TDRP: variants seen among roughly 807,000 people sequenced by gnomAD.
TDRP encodes testis development-related protein.
TDRP carries 12 observed loss-of-function variants against 10.5 expected under a neutral mutation model. The observed-to-expected ratio is 1.15, with a 90% CI of 0.73 to 1.86. The LOEUF is 1.86. Ranked by LOEUF, TDRP falls within the 40% of genes most tolerant of loss-of-function variation. TDRP has a pLI of 0.00. For synonymous variants in TDRP, 139 were observed against 95.4 expected (o/e 1.46, Z -2.67); for missense variants, 353 against 229.2 (o/e 1.54, Z -3.49).
rs192168705 is a variant in TDRP, at chr8:527,802, C to T, written c.108+16848G>A. Among the ~76,000 whole-genome samples, 146 of 152,172 alleles carry T rather than the reference C, an allele frequency of 9.6e-4. 1 individual carries two copies. Among genetic ancestry groups the T allele is most frequent in the Non-Finnish European group, 9.6e-4 (65 of 67,994 alleles). On this transcript the variant is annotated intron_variant, in intron 1 of 2. Coordinates refer to ENST00000324079, the MANE Select transcript of TDRP (RefSeq NM_001384899.1). ...GACTTAAATCTAAGACCTCACACTA[C>T]GAAACTACTAAAAGAAAACATCAGG...
rs187709106 is a variant in TDRP at position 520,463 on chromosome 8, A to G, written c.108+24187T>C. ...TTTCCTTTCTTTGGGATATATACAC[A>G]GAAGTGGGATGGCTGAAACATATAA... On this transcript the variant is annotated intron_variant, in intron 1 of 2. Transcript: ENST00000324079. Among the ~76,000 whole-genome samples the G allele has an allele frequency of 2.2e-3, 339 of 152,342 alleles. 1 individual carries two copies. The highest frequency in any genetic ancestry group is 7.6e-3 in the African/African-American group (316 of 41,584).
At chr8:503,170 C>G (rs1016185118) in intron 1 of TDRP, among the ~76,000 whole-genome samples, 5 of 152,114 alleles carry the variant, frequency 3.3e-5, no homozygotes, top group Non-Finnish European at 7.3e-5. Context: ...CGCATCAGAA[C>G]CCATGCCCAC....
At chr8:514,864 G>C (rs1801715920) in intron 1 of TDRP, among the ~76,000 whole-genome samples, 2 of 152,220 alleles carry the variant, frequency 1.3e-5, no homozygotes, top group East Asian at 3.9e-4. Flanking sequence ...GCACCAACAG[G>C]CAGGAGAGTT....
At chr8:507,018 G>A (rs1271385968) in intron 1 of TDRP, among the ~76,000 whole-genome samples, 2 of 152,188 alleles carry the variant, frequency 1.3e-5, no homozygotes, top group Non-Finnish European at 2.9e-5. Flanking sequence ...AGCTTAACAG[G>A]AAGCATGGCT....
chr8:499,235 GT>G (rs1435702520), intron 1 of TDRP, among the ~76,000 whole-genome samples: 1 of 152,150 alleles, frequency 6.6e-6, no homozygotes, highest in African/African-American at 2.4e-5. Context: ...TTTTTGTTTT[GT>G]TTTGTTTTGT....
intron 1 of TDRP, among the ~76,000 whole-genome samples, chr8:497,564 G>C (rs1404589103): frequency 6.6e-6 from 1 of 152,188 alleles, no homozygotes; most frequent in East Asian, 1.9e-4. Flanking sequence ...GAGCATACAA[G>C]TTTGGAAAAT....
intron 1 of TDRP, among the ~76,000 whole-genome samples, chr8:508,535 A>G (rs1801527776): frequency 6.6e-6 from 1 of 152,214 alleles, no homozygotes; most frequent in Non-Finnish European, 1.5e-5. Context: ...TAAAACCATC[A>G]GATCTCATGA....
At chr8:542,448 G>A (rs188545618) in intron 1 of TDRP, among the ~76,000 whole-genome samples, 1 of 152,108 alleles carries the variant, frequency 6.6e-6, no homozygotes, top group East Asian at 1.9e-4. Flanking sequence ...ATAGTGGGGG[G>A]CTGGGGATCC....
At chr8:500,342 C>G (rs771006031) in intron 1 of TDRP, among the ~76,000 whole-genome samples, 8 of 152,218 alleles carry the variant, frequency 5.3e-5, no homozygotes, top group Non-Finnish European at 1.2e-4. Context: ...GCCAGGACCT[C>G]TGGCTGGCAT....
At chr8:496,124 C>T (rs1321361439) in intron 1 of TDRP, among the ~76,000 whole-genome samples, 1 of 152,156 alleles carries the variant, frequency 6.6e-6, no homozygotes, top group Admixed American at 6.5e-5. Context: ...GCACAAAAAC[C>T]TACCAAAGAA....
chr8:544,673 C>T lies in TDRP; in HGVS notation c.85G>A (p.Ala29Thr), dbSNP rs1425750039. ...ACCTGCGCCTGGGCGGCGGCGGCGGCGGCCGGTGGCGGCCCCCCACGCAGG... is the reference window on the plus strand; with the variant it reads ...ACCTGCGCCTGGGCGGCGGCGGCGGTGGCCGGTGGCGGCCCCCCACGCAGG... Reference protein sequence around the residue: ...DGLRGGPPPAAAAAAQAQVQG... With the variant: ...DGLRGGPPPATAAAAQAQVQG... Residue 29 changes from alanine to threonine, a missense_variant, in exon 1 of 3, where the codon GCC becomes ACC. Ala to Thr is a moderately conservative substitution (Grantham distance 58). Coordinates refer to ENST00000324079, the MANE Select transcript of TDRP (RefSeq NM_001384899.1). The T allele has an allele frequency of 4.9e-6, 6 of 1,221,202 alleles. No individual in the cohort carries two copies. The highest frequency in any genetic ancestry group is 1.6e-5 in the African/African-American group (1 of 63,954). 75.6% of individuals were successfully genotyped at this position (1,221,202 alleles called of 1,614,324 possible). A position where few individuals can be genotyped will look rare whatever the true frequency, so the allele number is the denominator to read the frequency against.
chr8:540,156 T>C (rs1257912018), intron 1 of TDRP, among the ~76,000 whole-genome samples: 1 of 152,192 alleles, frequency 6.6e-6, no homozygotes, highest in Admixed American at 6.5e-5. Context: ...GCATAAAACT[T>C]TGAGGGCAGA....
chr8:491,456 C>G lies in TDRP; in HGVS notation c.*943G>C, dbSNP rs2116699510. On this transcript the variant is annotated 3_prime_UTR_variant, in exon 3 of 3. Transcript: ENST00000324079. Reference sequence around the variant, plus strand: ...AAAGAACGCGAGAGATGCTCTCAAACCGGTCGTCGATTATTCTTGTGGAAA... The same window carrying G: ...AAAGAACGCGAGAGATGCTCTCAAAGCGGTCGTCGATTATTCTTGTGGAAA... 2 of 650,212 alleles carry G rather than the reference C, an allele frequency of 3.1e-6. No individual in the cohort carries two copies. The highest frequency in any genetic ancestry group is 4.7e-6 in the Non-Finnish European group (2 of 421,810). The allele number at this position is 650,212 out of a possible 1,614,324, so 40.3% of individuals were successfully genotyped here. A position where few individuals can be genotyped will look rare whatever the true frequency, so the allele number is the denominator to read the frequency against.
intron 1 of TDRP, among the ~76,000 whole-genome samples, chr8:526,850 A>C (rs1291678683): frequency 6.6e-6 from 1 of 152,214 alleles, no homozygotes; most frequent in African/African-American, 2.4e-5. Context: ...TGGAAGTCCT[A>C]GCTAGAGCAA....
intron 1 of TDRP, among the ~76,000 whole-genome samples, chr8:520,720 T>G (rs1801880355): frequency 6.6e-6 from 1 of 152,216 alleles, no homozygotes; most frequent in Non-Finnish European, 1.5e-5. Context: ...TTTCATATGC[T>G]TATAGGTCAT....
intron 1 of TDRP, among the ~76,000 whole-genome samples, chr8:543,231 G>C (rs992676047): frequency 2.0e-5 from 3 of 152,054 alleles, no homozygotes; most frequent in African/African-American, 7.2e-5. Context: ...AGAATAGCTT[G>C]AGCCCAGGCA....
chr8:542,499 C>T (rs1366241907), intron 1 of TDRP, among the ~76,000 whole-genome samples: 2 of 152,034 alleles, frequency 1.3e-5, no homozygotes, highest in Non-Finnish European at 2.9e-5. Context: ...TTGCTGGGCA[C>T]CTAAAACTGG....
At chr8:536,185 G>A (rs1802344633) in intron 1 of TDRP, among the ~76,000 whole-genome samples, 1 of 152,166 alleles carries the variant, frequency 6.6e-6, no homozygotes, top group African/African-American at 2.4e-5. Context: ...CTACCCTTCA[G>A]TGGCTTACTA....
intron 1 of TDRP, among the ~76,000 whole-genome samples, chr8:513,755 T>G (rs960744972): frequency 2.0e-5 from 3 of 152,150 alleles, no homozygotes; most frequent in Non-Finnish European, 4.4e-5. Flanking sequence ...TATGAAGTAG[T>G]CCACTAAAAA....
Sources: allele counts gnomAD v4.1 joint callset (sites outside exome capture counted in the v4.1 genomes callset), GRCh38; gene constraint gnomAD v4.1.1; transcripts MANE v1.5; gene names NCBI Gene and HGNC (gene_info 2026-07-23, HGNC 2026-07-21).